The following ZFC3H1 variants were observed in gnomAD, a reference collection of about 807,000 sequenced individuals.
The protein encoded by ZFC3H1 is zinc finger C3H1-type containing.
A neutral mutation model predicts 243.7 loss-of-function variants in ZFC3H1; 71 were observed. The ratio of observed to expected loss-of-function variants is 0.29; its 90% CI spans 0.24 to 0.36. The LOEUF (loss-of-function observed/expected upper bound fraction) is 0.36. Among genes scored for constraint, ZFC3H1 ranks in the 10% least tolerant of loss-of-function variants. The pLI is 1.00. For synonymous variants in ZFC3H1, 838 were observed against 813.0 expected, an observed-to-expected ratio of 1.03 and a Z score of -0.52; for missense variants, 1,966 against 2,317.1, an observed-to-expected ratio of 0.85 and a Z score of 3.11.
chr12:71,638,373 A>G (rs1007406705), intron 7 of ZFC3H1, 45 bp downstream of exon 7: 21 of 1,565,548 alleles, frequency 1.3e-5, no homozygotes, highest in Non-Finnish European at 1.7e-5. Context: ...ACAAATTAGA[A>G]AAGACAAGAC....
chr12:71,629,683 A>C lies in ZFC3H1; in HGVS notation c.3752T>G (p.Val1251Gly), dbSNP rs746991591. ...AEKYVEKLFG[V>G]NKDRMSMDQM... is the part of the protein sequence containing the mutation. Reference sequence around the variant, plus strand: ...GTCCATTGACATTCGATCTTTGTTTACTCCAAAAAGTTTCTCAACATATTT... The same window carrying C: ...GTCCATTGACATTCGATCTTTGTTTCCTCCAAAAAGTTTCTCAACATATTT... Residue 1251 changes from valine (V) to glycine (G), a missense_variant, in exon 19 of 35, where the codon GTA becomes GGA. Physicochemically the swap from Val to Gly is moderately radical, Grantham distance 109. This residue lies in a region of ZFC3H1 where 1,383 missense variants were observed against 1,723.7 expected (regional missense o/e 0.80). Coordinates refer to ENST00000378743, the MANE Select transcript of ZFC3H1 (RefSeq NM_144982.5). 2 of 1,612,942 alleles carry C rather than the reference A, an allele frequency of 1.2e-6. No individual in the cohort carries two copies. Among genetic ancestry groups the C allele is most frequent in the African/African-American group, 2.7e-5 (2 of 74,854 alleles).
intron 22 of ZFC3H1, among the ~76,000 whole-genome samples, chr12:71,625,495 C>G (rs552103662): frequency 3.9e-5 from 6 of 152,214 alleles, no homozygotes; most frequent in South Asian, 2.1e-4. Context: ...AGTTCAAGAC[C>G]AACCTGGGCA....
At chr12:71,622,620 G>A (rs1471877576) in intron 24 of ZFC3H1, among the ~76,000 whole-genome samples, 9 of 151,908 alleles carry the variant, frequency 5.9e-5, no homozygotes, top group African/African-American at 1.5e-4. Context: ...GAATCACCAC[G>A]CCCGGCTAAA....
At chr12:71,611,168 G>GA (rs1350142636) in intron 32 of ZFC3H1, 71 bp from the exon 33 acceptor site, 3 of 1,408,446 alleles carry the variant, frequency 2.1e-6, no homozygotes, top group Non-Finnish European at 2.8e-6. Flanking sequence ...TGAACAAAAT[G>GA]AAACACCACC....
chr12:71,634,934 AAT>A (rs1475859193), intron 10 of ZFC3H1, 109 bp from the exon 11 acceptor site: 1 of 1,236,788 alleles, frequency 8.1e-7, no homozygotes, highest in African/African-American at 1.5e-5. Context: ...TTTATTTAGA[AAT>A]ACCTGAATGT....
intron 27 of ZFC3H1, among the ~76,000 whole-genome samples, chr12:71,616,802 GT>G (rs1441677429): frequency 6.6e-6 from 1 of 152,132 alleles, no homozygotes; most frequent in South Asian, 2.1e-4. Context: ...TAGAAGTTAG[GT>G]TATCATCCTG....
At chr12:71,613,647 T>C (rs1388716982) in intron 30 of ZFC3H1, 6 of 395,454 alleles carry the variant, frequency 1.5e-5, no homozygotes, top group African/African-American at 1.0e-4. Flanking sequence ...ATGAGAGCCA[T>C]GGGCAGAACA....
At chr12:71,639,392 AT>A (rs1880544023) in intron 6 of ZFC3H1, 1 of 233,666 alleles carries the variant, frequency 4.3e-6, no homozygotes, top group Non-Finnish European at 8.5e-6. Context: ...GCTGTGTCAC[AT>A]TTGTGTTATT....
Position 71,663,744 on chromosome 12 carries a change from C to G in ZFC3H1, c.-134G>C. Reference sequence around the variant, plus strand: ...CTACTCGGACACCAAGCGGCCTCTGCTCCCCAACTTCCCCGCACCCCAGCA... The same window carrying G: ...CTACTCGGACACCAAGCGGCCTCTGGTCCCCAACTTCCCCGCACCCCAGCA... On this transcript the variant is annotated 5_prime_UTR_variant, in exon 1 of 35. Transcript: ENST00000378743. The G allele has an allele frequency of 1.9e-6, 2 of 1,063,102 alleles. No homozygotes were observed. The highest frequency in any genetic ancestry group is 2.7e-6 in the Non-Finnish European group (2 of 740,204). 65.9% of individuals were successfully genotyped at this position (1,063,102 alleles called of 1,614,324 possible). A position where few individuals can be genotyped will look rare whatever the true frequency, so the allele number is the denominator to read the frequency against.
intron 7 of ZFC3H1, 27 bp downstream of exon 7, chr12:71,638,391 T>C (rs375459920): frequency 8.1e-6 from 13 of 1,595,802 alleles, no homozygotes; most frequent in Non-Finnish European, 1.0e-5. Flanking sequence ...GACAAAATAA[T>C]TTTCTTAGAA....
chr12:71,651,991 A>G (rs1880897801), intron 2 of ZFC3H1, among the ~76,000 whole-genome samples: 1 of 152,224 alleles, frequency 6.6e-6, no homozygotes, highest in African/African-American at 2.4e-5. Context: ...CAGAAAGTGA[A>G]AAGCTGGAAT....
chr12:71,623,025 C>T (rs1022246017), intron 24 of ZFC3H1, among the ~76,000 whole-genome samples: 1 of 110,064 alleles, frequency 9.1e-6, no homozygotes, highest in Non-Finnish European at 2.3e-5. Context: ...CCTTAATGGA[C>T]TGCTAAAAAA....
intron 25 of ZFC3H1, 27 bp from the exon 26 acceptor site, chr12:71,620,151 A>G: frequency 6.2e-7 from 1 of 1,609,216 alleles, no homozygotes; most frequent in Non-Finnish European, 8.5e-7. Context: ...AAAAAAGGCT[A>G]AAGACATGAA....
At chr12:71,644,426 G>A in intron 4 of ZFC3H1, 108 bp from the exon 5 acceptor site, 3 of 1,197,932 alleles carry the variant, frequency 2.5e-6, no homozygotes, top group East Asian at 5.1e-5. Flanking sequence ...ATGCTCCTAA[G>A]TTGTTTATAT....
chr12:71,647,720 G>A (rs1331801626), intron 3 of ZFC3H1, 29 bp downstream of exon 3: 3 of 1,298,666 alleles, frequency 2.3e-6, no homozygotes, highest in Non-Finnish European at 3.2e-6. Flanking sequence ...GTCTTACAGA[G>A]ATGATAGTCT....
At chr12:71,637,155 C>T (rs1486940552) in intron 7 of ZFC3H1, 96 bp from the exon 8 acceptor site, 2 of 1,089,892 alleles carry the variant, frequency 1.8e-6, no homozygotes, top group South Asian at 1.7e-5. Context: ...ATAAACTTTA[C>T]ATTATTATTT....
chr12:71,625,247 T>C (rs1427156638), intron 22 of ZFC3H1, among the ~76,000 whole-genome samples: 1 of 152,176 alleles, frequency 6.6e-6, no homozygotes, highest in Admixed American at 6.5e-5. Context: ...ACAACTTCAG[T>C]TGGTAAGTAA....
chr12:71,643,232 G>A (rs1379614196), intron 5 of ZFC3H1, among the ~76,000 whole-genome samples: 1 of 152,014 alleles, frequency 6.6e-6, no homozygotes, highest in African/African-American at 2.4e-5. Flanking sequence ...CCAACATGGT[G>A]AAACCCCGTC....
Position 71,636,951 on chromosome 12 carries a change from G to A in ZFC3H1, c.1834C>T (p.Pro612Ser). Reference sequence around the variant, plus strand: ...TCATCTGCAAAAGGTGGTTTTGGAGGCTGTTCTGGATCTTCAGGTGGGAGA... The same window carrying A: ...TCATCTGCAAAAGGTGGTTTTGGAGACTGTTCTGGATCTTCAGGTGGGAGA... ...PPLPPEDPEQ[P>S]PKPPFADEEE... Residue 612 changes from proline (P) to serine (S), a missense_variant, in exon 8 of 35, where the codon CCT becomes TCT. Pro to Ser is a moderately conservative substitution (Grantham distance 74, BLOSUM62 -1). Transcript: ENST00000378743. The A allele has an allele frequency of 1.2e-6, 2 of 1,614,014 alleles. No individual in the cohort carries two copies. Among genetic ancestry groups the A allele is most frequent in the Non-Finnish European group, 1.7e-6 (2 of 1,179,952 alleles).
Sources: gnomAD v4.1 joint callset for allele counts (sites outside exome capture counted in the v4.1 genomes callset) on GRCh38, gnomAD v4.1.1 for gene constraint, gnomAD v4.1.1 regional missense constraint, MANE v1.5 for transcripts, NCBI Gene and HGNC (gene_info 2026-07-23, HGNC 2026-07-21) for gene names.